The following FHIP1A variants were observed in gnomAD, a reference collection of about 807,000 sequenced individuals.
FHIP1A encodes the protein FHF complex subunit HOOK-interacting protein 1A.
In FHIP1A, 61 loss-of-function variants were observed where a neutral mutation model predicts 88.6. The ratio of observed to expected loss-of-function variants is 0.69; its 90% CI spans 0.56 to 0.85. The LOEUF is 0.85. Ranked by LOEUF, FHIP1A falls within the 40% of genes least tolerant of loss-of-function variation. FHIP1A has a pLI of 0.00. For missense variants in FHIP1A, 1,154 were observed against 1,273.5 expected (o/e 0.91, Z 1.43); for synonymous variants, 478 against 496.0 (o/e 0.96, Z 0.48).
intron 3 of FHIP1A, among the ~76,000 whole-genome samples, chr4:151,518,973 G>C (rs1036461980): frequency 6.6e-6 from 1 of 151,966 alleles, no homozygotes; most frequent in East Asian, 1.9e-4. Flanking sequence ...GCACCTAGCT[G>C]CATCTTAATT....
chr4:151,498,918 T>C (rs1560732741), intron 3 of FHIP1A, among the ~76,000 whole-genome samples: 1 of 152,228 alleles, frequency 6.6e-6, no homozygotes, highest in Non-Finnish European at 1.5e-5. Context: ...GTTGGTATCT[T>C]CATTAAAAGA....
intron 13 of FHIP1A, 113 bp downstream of exon 13, chr4:151,657,011 A>G (rs537116449): frequency 3.6e-6 from 4 of 1,107,930 alleles, no homozygotes; most frequent in East Asian, 5.2e-5. Flanking sequence ...AAGCATTCAG[A>G]GATATTTTCA....
At chr4:151,630,572 A>T (rs1578839856) in intron 8 of FHIP1A, among the ~76,000 whole-genome samples, 2 of 152,340 alleles carry the variant, frequency 1.3e-5, no homozygotes, top group East Asian at 1.9e-4. Flanking sequence ...CTGATAAGTT[A>T]AAATGTATAC....
At chr4:151,410,526 T>C (rs547730530) in intron 1 of FHIP1A, among the ~76,000 whole-genome samples, 2 of 152,346 alleles carry the variant, frequency 1.3e-5, no homozygotes, top group South Asian at 4.1e-4. Flanking sequence ...TCCTGCTTAA[T>C]TACCTTTATC....
chr4:151,593,714 A>G (rs1734532603), intron 7 of FHIP1A, among the ~76,000 whole-genome samples: 1 of 152,212 alleles, frequency 6.6e-6, no homozygotes, highest in East Asian at 1.9e-4. Context: ...AAACAGAGAC[A>G]ATTTGACTTC....
chr4:151,458,482 TC>T (rs1448365690), intron 2 of FHIP1A, among the ~76,000 whole-genome samples: 3 of 151,978 alleles, frequency 2.0e-5, no homozygotes, highest in African/African-American at 4.8e-5. Context: ...AAGTAATAGT[TC>T]CTGTGAGGTG....
At chr4:151,657,923 T>C (rs1560826734) in intron 13 of FHIP1A, among the ~76,000 whole-genome samples, 1 of 152,214 alleles carries the variant, frequency 6.6e-6, no homozygotes, top group Non-Finnish European at 1.5e-5. Context: ...CCCTTGACTT[T>C]TAAATGAAGG....
chr4:151,515,030 A>G (rs1453648668), intron 3 of FHIP1A, among the ~76,000 whole-genome samples: 2 of 152,062 alleles, frequency 1.3e-5, no homozygotes, highest in Non-Finnish European at 2.9e-5. Context: ...AATATCCTTG[A>G]TGAACATTGA....
chr4:151,434,034 A>G (rs746339969), intron 1 of FHIP1A, among the ~76,000 whole-genome samples: 5 of 152,172 alleles, frequency 3.3e-5, no homozygotes, highest in Non-Finnish European at 7.4e-5. Context: ...AGAAGTGCAA[A>G]TGTTTGTTCC....
At chr4:151,597,949 A>G (rs1734713619) in intron 7 of FHIP1A, among the ~76,000 whole-genome samples, 1 of 151,998 alleles carries the variant, frequency 6.6e-6, no homozygotes, top group Non-Finnish European at 1.5e-5. Context: ...AAGCCAGTGG[A>G]TCTTAGCTTG....
chr4:151,632,363 G>A (rs1736187604), intron 8 of FHIP1A, among the ~76,000 whole-genome samples: 1 of 151,854 alleles, frequency 6.6e-6, no homozygotes, highest in East Asian at 1.9e-4. Context: ...ATTACAGAGG[G>A]AAATAGACAG....
intron 1 of FHIP1A, among the ~76,000 whole-genome samples, chr4:151,439,718 T>C (rs2709814): frequency 0.5 from 75,947 of 152,000 alleles, 19,321 homozygotes; most frequent in Non-Finnish European, 0.55. Flanking sequence ...TAAGCAAGAA[T>C]GTTAGGGTTA....
intron 1 of FHIP1A, among the ~76,000 whole-genome samples, chr4:151,412,516 C>T (rs1732689207): frequency 6.6e-6 from 1 of 152,080 alleles, no homozygotes; most frequent in African/African-American, 2.4e-5. Context: ...TTCCTTGTTA[C>T]ATTTTGTGAA....
chr4:151,529,954 T>C (rs1731811997), intron 3 of FHIP1A, among the ~76,000 whole-genome samples: 1 of 152,182 alleles, frequency 6.6e-6, no homozygotes, highest in African/African-American at 2.4e-5. Context: ...CCCTTTCTTA[T>C]TCTTGGAGAG....
intron 3 of FHIP1A, among the ~76,000 whole-genome samples, chr4:151,500,084 G>T (rs1449185605): frequency 6.6e-6 from 1 of 152,148 alleles, no homozygotes; most frequent in Admixed American, 6.5e-5. Context: ...TTTGACTATT[G>T]TCAGGTAGAA....
intron 7 of FHIP1A, among the ~76,000 whole-genome samples, chr4:151,605,650 G>T (rs1735045033): frequency 6.6e-6 from 1 of 152,208 alleles, no homozygotes; most frequent in Admixed American, 6.5e-5. Context: ...AGGCATGTGT[G>T]CTGGGTTCAT....
In FHIP1A at chr4:151,668,988, C is replaced by T. The variant is rs1737762971; in HGVS notation, c.*6234C>T. Reference sequence around the variant, plus strand: ...GCAATGGCATCACCTGTGGTGCCAACTCATACATTTTAATGAGATTTCTCC... The same window carrying T: ...GCAATGGCATCACCTGTGGTGCCAATTCATACATTTTAATGAGATTTCTCC... On this transcript the variant is annotated 3_prime_UTR_variant, in exon 14 of 14. Transcript: ENST00000435205. 6.6e-6 allele frequency among the ~76,000 whole-genome samples: 1 copy of T among 152,194 alleles called. No homozygotes were observed. Among genetic ancestry groups the T allele is most frequent in the Non-Finnish European group, 1.5e-5 (1 of 68,042 alleles).
chr4:151,645,324 A>C (rs1736750410), intron 9 of FHIP1A, among the ~76,000 whole-genome samples: 1 of 152,058 alleles, frequency 6.6e-6, no homozygotes, highest in African/African-American at 2.4e-5. Context: ...GTATTATTAA[A>C]ACCTTCAGCA....
chr4:151,444,884 A>C (rs543379925), intron 1 of FHIP1A, among the ~76,000 whole-genome samples: 194 of 152,310 alleles, frequency 1.3e-3, no homozygotes, highest in African/African-American at 4.3e-3. Flanking sequence ...CTGATACAAA[A>C]TGTGTGTGGG....
Sources: gnomAD v4.1 joint callset for allele counts (sites outside exome capture counted in the v4.1 genomes callset) on GRCh38, gnomAD v4.1.1 for gene constraint, MANE v1.5 for transcripts, NCBI Gene and HGNC (gene_info 2026-07-23, HGNC 2026-07-21) for gene names.